Variants in SLC4A4 observed in about 807,000 individuals in gnomAD.
SLC4A4 encodes the protein solute carrier family 4 member 4, also known as electrogenic sodium bicarbonate cotransporter 1.
Under a neutral mutation model 111.5 loss-of-function variants are expected in SLC4A4, and 27 were observed. That is an observed-to-expected ratio of 0.24 (90% CI 0.18 to 0.33). The LOEUF (loss-of-function observed/expected upper bound fraction) is 0.33. Ranked by LOEUF, SLC4A4 falls within the 10% of genes least tolerant of loss-of-function variation. The probability of loss-of-function intolerance (pLI) is 1.00; values close to 1 mark genes in which losing one functional copy is unlikely to be tolerated. For synonymous variants in SLC4A4, 443 were observed against 463.4 expected, an observed-to-expected ratio of 0.96 and a Z score of 0.57; for missense variants, 909 against 1,315.5, an observed-to-expected ratio of 0.69 and a Z score of 4.78.
chr4:71,186,902 C>T (rs1015167764), upstream of SLC4A4: 1 of 152,540 alleles, frequency 6.6e-6, no homozygotes, highest in African/African-American at 2.4e-5. Flanking sequence ...TATGCAGGAG[C>T]TGCAGGAGGC....
rs539892460 is a variant in SLC4A4, at chr4:71,290,624, A to G, written c.253+35225A>G. ...GTTTAATAAATAAATCCCTTCTGTA[A>G]TTGCTTTAGCACATATGACTGGGTA... On this transcript the variant is annotated intron_variant, in intron 3 of 25. Coordinates refer to ENST00000264485, the MANE Select transcript of SLC4A4 (RefSeq NM_001098484.3). Among the ~76,000 whole-genome samples the G allele has an allele frequency of 1.4e-3, 211 of 152,326 alleles. 1 individual carries two copies. The highest frequency in any genetic ancestry group is 2.2e-3 in the Admixed American group (34 of 15,304).
intron 1 of SLC4A4, among the ~76,000 whole-genome samples, chr4:71,187,648 G>A (rs1230317002): frequency 6.6e-6 from 1 of 152,180 alleles, no homozygotes; most frequent in Non-Finnish European, 1.5e-5. Flanking sequence ...GAGTTTGGGT[G>A]GTCTGCTTCT....
At chr4:71,088,513 A>T (rs1454448767) in intron 1 of SLC4A4, among the ~76,000 whole-genome samples, 1 of 151,890 alleles carries the variant, frequency 6.6e-6, no homozygotes, top group Non-Finnish European at 1.5e-5. Context: ...TGGTCTTTAC[A>T]ATTTGGCATG....
At chr4:71,162,409 A>G (rs560479112) in intron 2 of SLC4A4, among the ~76,000 whole-genome samples, 2 of 152,344 alleles carry the variant, frequency 1.3e-5, no homozygotes, top group East Asian at 3.9e-4. Flanking sequence ...AGGGAGTAGG[A>G]CAGTTACATC....
At chr4:71,290,223 G>C (rs1578763292) in intron 3 of SLC4A4, among the ~76,000 whole-genome samples, 1 of 152,204 alleles carries the variant, frequency 6.6e-6, no homozygotes, top group East Asian at 1.9e-4. Flanking sequence ...ATTTGTGCAA[G>C]GTGATAGTTC....
chr4:71,533,742 G>A (rs1734150535), intron 17 of SLC4A4, among the ~76,000 whole-genome samples: 1 of 152,020 alleles, frequency 6.6e-6, no homozygotes, highest in African/African-American at 2.4e-5. Context: ...TTAAAATTCG[G>A]CAATAGTATA....
At position 71,469,347 on chromosome 4, in the gene SLC4A4, T is replaced by A. The variant is rs148561056; in HGVS notation, c.1631+2770T>A. On this transcript the variant is annotated intron_variant, in intron 13 of 25. Transcript: ENST00000264485. ...ACTTTTAAGCCTTCAAATTTTTAATTCGTCCATGATATTACCGGATGTATT... is the reference window on the plus strand; with the variant it reads ...ACTTTTAAGCCTTCAAATTTTTAATACGTCCATGATATTACCGGATGTATT... Among the ~76,000 whole-genome samples, 383 of 152,076 alleles carry A rather than the reference T, an allele frequency of 2.5e-3. 3 individuals carry two copies. Among genetic ancestry groups the A allele is most frequent in the Non-Finnish European group, 2.2e-3 (150 of 67,880 alleles).
chr4:71,397,801 C>A, intron 7 of SLC4A4, 148 bp downstream of exon 7: 1 of 742,870 alleles, frequency 1.3e-6, no homozygotes. Flanking sequence ...GAAGGAGAAG[C>A]AGTGTGTGAA....
intron 5 of SLC4A4, among the ~76,000 whole-genome samples, chr4:71,352,532 A>G (rs1331633896): frequency 2.6e-5 from 4 of 152,190 alleles, no homozygotes; most frequent in Non-Finnish European, 4.4e-5. Flanking sequence ...TGAAGAAGGA[A>G]TGCTGGATTT....
At chr4:71,177,190 G>A (rs1745122312) in intron 2 of SLC4A4, among the ~76,000 whole-genome samples, 1 of 152,144 alleles carries the variant, frequency 6.6e-6, no homozygotes, top group Non-Finnish European at 1.5e-5. Context: ...ACTAAACATG[G>A]AAAGGAATAA....
chr4:71,066,314 G>C (rs1314160728), intron 1 of SLC4A4, among the ~76,000 whole-genome samples: 1 of 151,996 alleles, frequency 6.6e-6, no homozygotes, highest in Non-Finnish European at 1.5e-5. Context: ...CTACTACAGG[G>C]CACAAAACAT....
chr4:71,420,126 C>T (rs1007834540), intron 7 of SLC4A4, among the ~76,000 whole-genome samples: 2 of 152,112 alleles, frequency 1.3e-5, no homozygotes, highest in Non-Finnish European at 2.9e-5. Context: ...ATAACCAATA[C>T]AGAGAAGTAC....
intron 2 of SLC4A4, among the ~76,000 whole-genome samples, chr4:71,100,166 A>G (rs1374821889): frequency 2.6e-5 from 4 of 152,198 alleles, no homozygotes; most frequent in African/African-American, 4.8e-5. Flanking sequence ...AAAACTTCAG[A>G]CCAATATCCT....
intron 1 of SLC4A4, among the ~76,000 whole-genome samples, chr4:71,075,955 CTCTA>C (rs1014811936): frequency 7.7e-6 from 1 of 129,984 alleles, no homozygotes; most frequent in African/African-American, 2.9e-5. Flanking sequence ...GAGACTCCAT[CTCTA>C]AATAAATAAA....
chr4:71,538,620 G>A lies in SLC4A4; in HGVS notation c.2442+4232G>A, dbSNP rs1734773510. ...TAACTGCTATGAAATTGTTTCAAAA[G>A]AGAAAGCTGAAACTGAGAGAGATAG... On this transcript the variant is annotated intron_variant, in intron 18 of 25. Transcript: ENST00000264485. Among the ~76,000 whole-genome samples the A allele has an allele frequency of 2.0e-5, 3 of 152,108 alleles. 1 individual carries two copies. The South Asian group carries it at 6.2e-4, about 31-fold the overall frequency.
At chr4:71,102,100 A>G (rs1031540937) in intron 2 of SLC4A4, among the ~76,000 whole-genome samples, 29 of 152,164 alleles carry the variant, frequency 1.9e-4, no homozygotes, top group Admixed American at 1.7e-3. Flanking sequence ...CTGAAAACCA[A>G]GGCTCAAGAA....
chr4:71,565,093 G>T (rs1320092462), intron 24 of SLC4A4, among the ~76,000 whole-genome samples: 1 of 151,546 alleles, frequency 6.6e-6, no homozygotes, highest in Non-Finnish European at 1.5e-5. Context: ...CCAAGAATAG[G>T]GACTCAAGGG....
chr4:71,420,267 A>G (rs1373393830), intron 7 of SLC4A4, among the ~76,000 whole-genome samples: 8 of 152,338 alleles, frequency 5.3e-5, no homozygotes, highest in African/African-American at 1.9e-4. Flanking sequence ...GAAATGAAGC[A>G]AGAAGGGAAA....
intron 1 of SLC4A4, among the ~76,000 whole-genome samples, chr4:71,216,428 C>T (rs1718435238): frequency 6.6e-6 from 1 of 152,116 alleles, no homozygotes; most frequent in Non-Finnish European, 1.5e-5. Flanking sequence ...AGGGTGACCA[C>T]CTTTCAAAAA....
Sources: allele counts gnomAD v4.1 joint callset (sites outside exome capture counted in the v4.1 genomes callset), GRCh38; gene constraint gnomAD v4.1.1; transcripts MANE v1.5; gene names NCBI Gene and HGNC (gene_info 2026-07-23, HGNC 2026-07-21).